Variants in TACR1 observed in about 807,000 individuals in gnomAD.
The protein encoded by TACR1 is tachykinin receptor 1.
A neutral mutation model predicts 35.8 loss-of-function variants in TACR1; 25 were observed. The ratio of observed to expected loss-of-function variants is 0.70; its 90% CI spans 0.51 to 0.98. TACR1 has a LOEUF of 0.98. TACR1 is among the 50% of genes least tolerant of loss of function. TACR1 has a pLI of 0.00. For missense variants in TACR1, 478 were observed against 522.9 expected (o/e 0.91, Z 0.84); for synonymous variants, 195 against 206.7 (o/e 0.94, Z 0.48).
chr2:75,141,765 A>G (rs940041706), intron 1 of TACR1, among the ~76,000 whole-genome samples: 1 of 152,186 alleles, frequency 6.6e-6, no homozygotes, highest in Non-Finnish European at 1.5e-5. Context: ...CAGAAATCCC[A>G]TGAGGATTCT....
chr2:75,088,024 T>C (rs1462506566), intron 2 of TACR1, among the ~76,000 whole-genome samples: 1 of 152,124 alleles, frequency 6.6e-6, no homozygotes, highest in East Asian at 1.9e-4. Flanking sequence ...TCATCTGTAG[T>C]CCCCCCATGT....
chr2:75,102,678 T>C (rs575100532), intron 2 of TACR1, among the ~76,000 whole-genome samples: 72 of 152,256 alleles, frequency 4.7e-4, no homozygotes, highest in African/African-American at 1.4e-3. Context: ...AAAAAAATTA[T>C]TTATATATTT....
chr2:75,105,158 A>T (rs1397432154), intron 2 of TACR1, among the ~76,000 whole-genome samples: 2 of 152,146 alleles, frequency 1.3e-5, no homozygotes, highest in Non-Finnish European at 2.9e-5. Context: ...GGATTAATAG[A>T]TAAAGAAAAT....
chr2:75,114,902 T>A (rs1673820097), intron 2 of TACR1, among the ~76,000 whole-genome samples: 3 of 152,236 alleles, frequency 2.0e-5, no homozygotes, highest in African/African-American at 7.2e-5. Context: ...TTAGCATAAT[T>A]ATCTATAACT....
intron 1 of TACR1, among the ~76,000 whole-genome samples, chr2:75,172,133 T>G (rs527844057): frequency 6.6e-6 from 1 of 152,284 alleles, no homozygotes; most frequent in African/African-American, 2.4e-5. Context: ...ATCAGAAGAG[T>G]GCTCTCCTCA....
intron 1 of TACR1, among the ~76,000 whole-genome samples, chr2:75,137,628 C>T (rs935489213): frequency 3.6e-5 from 5 of 140,018 alleles, no homozygotes; most frequent in Non-Finnish European, 6.1e-5. Flanking sequence ...ACTTGGAAGG[C>T]TGAGGCAGGA....
At position 75,198,835 on chromosome 2, in the gene TACR1, G is replaced by A; in HGVS notation, c.100C>T (p.Leu34Phe). ...ATGACCGTGTAGGCAGCTGCCCAAA[G>A]GACAATTTGCCAGGCTGGTTGCACG... ...QFVQPAWQIV[L>F]WAAAYTVIVV... Residue 34 changes from leucine (L) to phenylalanine (F), a missense_variant, in exon 1 of 5, where the codon CTT (leucine) becomes TTT (phenylalanine). Physicochemically the swap from Leu to Phe is conservative, Grantham distance 22. Coordinates refer to ENST00000305249, the MANE Select transcript of TACR1 (RefSeq NM_001058.4). 1 of 1,614,128 alleles carries A rather than the reference G, an allele frequency of 6.2e-7. No individual in the cohort carries two copies.
intron 3 of TACR1, 142 bp from the exon 4 acceptor site, chr2:75,051,589 A>G: frequency 1.2e-5 from 17 of 1,477,974 alleles, no homozygotes; most frequent in Non-Finnish European, 1.4e-5. Context: ...AGGAGGAGAA[A>G]GGATCTTTAC....
At chr2:75,077,821 A>G (rs1039741491) in intron 2 of TACR1, among the ~76,000 whole-genome samples, 22 of 152,212 alleles carry the variant, frequency 1.4e-4, no homozygotes, top group African/African-American at 5.3e-4. Flanking sequence ...CCCCAGGAAC[A>G]TAACCCATTA....
rs1272886642 is a variant in TACR1 at position 75,158,727 on chromosome 2, A to G, written c.390-37959T>C. ...TGAAAGCTGAGTATTCCTCAAATCA[A>G]TATGCCCAGCATCGCAAAGGAAGCA... On this transcript the variant is annotated intron_variant, in intron 1 of 4. Transcript: ENST00000305249. Among the ~76,000 whole-genome samples the G allele has an allele frequency of 1.3e-5, 2 of 152,338 alleles. 1 individual carries two copies. The highest frequency in any genetic ancestry group is 4.8e-5 in the African/African-American group (2 of 41,570).
chr2:75,178,615 C>A (rs1488075369), intron 1 of TACR1, among the ~76,000 whole-genome samples: 1 of 152,140 alleles, frequency 6.6e-6, no homozygotes, highest in African/African-American at 2.4e-5. Context: ...AACTCCACTT[C>A]TCCCCTCACA....
intron 1 of TACR1, among the ~76,000 whole-genome samples, chr2:75,142,122 G>T (rs1049676479): frequency 6.6e-6 from 1 of 152,198 alleles, no homozygotes; most frequent in African/African-American, 2.4e-5. Flanking sequence ...CAACTGGAGG[G>T]GAGGCAGTGA....
chr2:75,138,955 C>T (rs1249915422), intron 1 of TACR1, among the ~76,000 whole-genome samples: 7 of 151,920 alleles, frequency 4.6e-5, no homozygotes, highest in Admixed American at 4.6e-4. Flanking sequence ...GTGGTAAGTC[C>T]TATGAAAAAG....
rs528641082 is a variant in TACR1 at position 75,047,606 on chromosome 2, A to G, written c.*1826T>C. The G allele has an allele frequency of 6.6e-5, 10 of 152,368 alleles. 1 individual carries two copies. Among genetic ancestry groups the G allele is most frequent in the South Asian group, 2.1e-4 (1 of 4,832 alleles). The allele number at this position is 152,368 out of a possible 1,614,324, so 9.4% of individuals were successfully genotyped here. Reference sequence around the variant, plus strand: ...TAATCCATACACAGCAAGATTCTCTATTGGAAGTATGACTAATGCTTAGGG... The same window carrying G: ...TAATCCATACACAGCAAGATTCTCTGTTGGAAGTATGACTAATGCTTAGGG... On this transcript the variant is annotated 3_prime_UTR_variant, in exon 5 of 5. Coordinates refer to ENST00000305249, the MANE Select transcript of TACR1 (RefSeq NM_001058.4).
chr2:75,103,846 T>A (rs748431883), intron 2 of TACR1, among the ~76,000 whole-genome samples: 9 of 152,264 alleles, frequency 5.9e-5, no homozygotes, highest in Middle Eastern at 3.4e-3. Flanking sequence ...TAGACTGTTA[T>A]AACTGTCAGA....
At chr2:75,191,641 C>T (rs1168344431) in intron 1 of TACR1, among the ~76,000 whole-genome samples, 1 of 152,070 alleles carries the variant, frequency 6.6e-6, no homozygotes, top group African/African-American at 2.4e-5. Context: ...TATTCTAGAA[C>T]GGGGGTTCTG....
intron 1 of TACR1, among the ~76,000 whole-genome samples, chr2:75,173,364 G>T (rs1405023086): frequency 6.6e-6 from 1 of 152,164 alleles, no homozygotes; most frequent in Non-Finnish European, 1.5e-5. Flanking sequence ...TTCCAGTCAT[G>T]AAATATTCGT....
chr2:75,163,885 A>C (rs553456642), intron 1 of TACR1, among the ~76,000 whole-genome samples: 68 of 152,328 alleles, frequency 4.5e-4, no homozygotes, highest in Non-Finnish European at 8.1e-4. Context: ...TTAGTTAACC[A>C]GTCTATATTT....
intron 2 of TACR1, among the ~76,000 whole-genome samples, chr2:75,069,459 C>T (rs1048597740): frequency 6.6e-6 from 1 of 152,086 alleles, no homozygotes; most frequent in Non-Finnish European, 1.5e-5. Flanking sequence ...ACAGCCAGTG[C>T]CCCCTTTTAC....
Sources: allele counts gnomAD v4.1 joint callset (sites outside exome capture counted in the v4.1 genomes callset), GRCh38; gene constraint gnomAD v4.1.1; transcripts MANE v1.5; gene names NCBI Gene and HGNC (gene_info 2026-07-23, HGNC 2026-07-21).